Variants in SEC24B observed in about 807,000 individuals in gnomAD.
SEC24B encodes the protein protein transport protein Sec24B.
Under a neutral mutation model 142.8 loss-of-function variants are expected in SEC24B, and 45 were observed. The ratio of observed to expected loss-of-function variants is 0.32; its 90% CI spans 0.25 to 0.40. The LOEUF (loss-of-function observed/expected upper bound fraction) is 0.40, where lower values mean the gene tolerates loss of function less well. Among genes scored for constraint, SEC24B ranks in the 10% least tolerant of loss-of-function variants. The pLI, the probability that SEC24B is intolerant of heterozygous loss-of-function variation, is 1.00. For missense variants in SEC24B, 1,409 were observed against 1,526.8 expected, an observed-to-expected ratio of 0.92 and a Z score of 1.29; for synonymous variants, 574 against 568.2, an observed-to-expected ratio of 1.01 and a Z score of -0.15.
Position 109,473,059 on chromosome 4 carries a change from C to G in SEC24B, c.933C>G (p.Ser311Arg). 6.2e-7 allele frequency: 1 copy of G among 1,603,784 alleles called. No homozygotes were observed. Among genetic ancestry groups the G allele is most frequent in the South Asian group, 1.1e-5 (1 of 89,566 alleles). Residue 311 changes from serine (S) to arginine (R), a missense_variant, in exon 3 of 24, where the codon AGC becomes AGG. Around this residue, in one of 2 missense-constraint regions of SEC24B, gnomAD observed 709 missense variants for 673.5 expected, o/e 1.05. Coordinates refer to ENST00000265175, the MANE Select transcript of SEC24B (RefSeq NM_006323.5). The stretch of plus-strand genomic sequence containing the variant: ...AAAATGTTCAGCCTCCCAAGTCCAG[C>G]CCAGTGGTATCCACTGTTTTATCAG... ...VMQNVQPPKS[S>R]PVVSTVLSGS... is the part of the protein sequence containing the mutation.
At chr4:109,534,930 G>A (rs1437378071) in intron 22 of SEC24B, among the ~76,000 whole-genome samples, 1 of 152,090 alleles carries the variant, frequency 6.6e-6, no homozygotes, top group African/African-American at 2.4e-5. Flanking sequence ...CTCCTGCCTT[G>A]GCCTCCCAGA....
chr4:109,484,466 G>C (rs915047172), intron 4 of SEC24B, among the ~76,000 whole-genome samples: 5 of 152,026 alleles, frequency 3.3e-5, no homozygotes, highest in African/African-American at 1.2e-4. Flanking sequence ...GTTTTTCCCT[G>C]TTAAAATTAA....
intron 4 of SEC24B, among the ~76,000 whole-genome samples, chr4:109,485,879 C>G (rs1734298691): frequency 6.6e-6 from 1 of 151,954 alleles, no homozygotes; most frequent in East Asian, 1.9e-4. Flanking sequence ...TGGGATTGTT[C>G]TCCAACTTTG....
At chr4:109,483,859 T>G (rs1734075836) in intron 4 of SEC24B, among the ~76,000 whole-genome samples, 1 of 152,188 alleles carries the variant, frequency 6.6e-6, no homozygotes, top group African/African-American at 2.4e-5. Context: ...GCATGTACGC[T>G]TTACCCAGAT....
At chr4:109,502,985 T>C (rs1377472926) in intron 6 of SEC24B, among the ~76,000 whole-genome samples, 1 of 152,170 alleles carries the variant, frequency 6.6e-6, no homozygotes, top group African/African-American at 2.4e-5. Context: ...CATTGGTTTT[T>C]AATTTTAGTG....
intron 5 of SEC24B, among the ~76,000 whole-genome samples, chr4:109,491,920 A>G (rs1246781095): frequency 6.6e-6 from 1 of 152,132 alleles, no homozygotes; most frequent in Admixed American, 6.5e-5. Flanking sequence ...ACAGGAGTAG[A>G]TAGTATTGAA....
At chr4:109,491,989 A>G (rs915190208) in intron 5 of SEC24B, among the ~76,000 whole-genome samples, 1 of 152,116 alleles carries the variant, frequency 6.6e-6, no homozygotes, top group Non-Finnish European at 1.5e-5. Flanking sequence ...CCTGTCTCCT[A>G]TCACTGACAA....
At chr4:109,538,846 G>A (rs1725850039) in intron 23 of SEC24B, among the ~76,000 whole-genome samples, 2 of 152,176 alleles carry the variant, frequency 1.3e-5, no homozygotes, top group Admixed American at 1.3e-4. Flanking sequence ...CAGGGGTGCT[G>A]CTATCACAGT....
At chr4:109,504,878 T>G (rs573858207) in intron 6 of SEC24B, among the ~76,000 whole-genome samples, 1 of 152,162 alleles carries the variant, frequency 6.6e-6, no homozygotes, top group Non-Finnish European at 1.5e-5. Context: ...TAGCTGGAAT[T>G]CTATAGCACA....
chr4:109,522,184 G>A (rs962085908), intron 14 of SEC24B, among the ~76,000 whole-genome samples: 1 of 151,848 alleles, frequency 6.6e-6, no homozygotes, highest in African/African-American at 2.4e-5. Flanking sequence ...CCTAGTAGCT[G>A]GGACTACAGG....
chr4:109,470,154 A>T (rs1732364542), intron 2 of SEC24B, among the ~76,000 whole-genome samples: 1 of 152,232 alleles, frequency 6.6e-6, no homozygotes, highest in Admixed American at 6.5e-5. Context: ...TCTTGGTAGG[A>T]GGCTATATTC....
chr4:109,468,471 G>T (rs1230260665), intron 2 of SEC24B, among the ~76,000 whole-genome samples: 1 of 152,160 alleles, frequency 6.6e-6, no homozygotes, highest in African/African-American at 2.4e-5. Flanking sequence ...GTGGCATTTG[G>T]ATAGGTGAGA....
intron 11 of SEC24B, among the ~76,000 whole-genome samples, chr4:109,518,801 G>GTTTTTT (rs1561168339): frequency 7.3e-6 from 1 of 137,914 alleles, no homozygotes; most frequent in African/African-American, 2.8e-5. Flanking sequence ...TGATGTTTCT[G>GTTTTTT]TCTTTTTTTT....
intron 1 of SEC24B, among the ~76,000 whole-genome samples, chr4:109,458,846 A>G (rs1730972266): frequency 2.0e-5 from 3 of 150,570 alleles, no homozygotes; most frequent in Non-Finnish European, 1.5e-5. Context: ...TTTTTTTTTT[A>G]CAATGACTGT....
At chr4:109,509,281 C>T (rs1348418121) in intron 7 of SEC24B, among the ~76,000 whole-genome samples, 1 of 152,182 alleles carries the variant, frequency 6.6e-6, no homozygotes, top group East Asian at 1.9e-4. Context: ...ATGATATTAA[C>T]GACTCTTCAT....
intron 23 of SEC24B, among the ~76,000 whole-genome samples, chr4:109,538,921 A>G (rs1442603744): frequency 6.6e-6 from 1 of 151,650 alleles, no homozygotes; most frequent in East Asian, 1.9e-4. Context: ...AGTAGCTGGG[A>G]CTGCAGGCAC....
Position 109,525,372 on chromosome 4 carries a change from TG to T in SEC24B, c.2660del (p.Cys887SerfsTer24). 6.2e-7 allele frequency: 1 copy of T among 1,608,636 alleles called. No homozygotes were observed. Among genetic ancestry groups the T allele is most frequent in the East Asian group, 2.2e-5 (1 of 44,614 alleles). ...TTGCATGTCCAAGTATTCTGCAGGG[TG>T]CATCTATTATTATCCATCATTCCAC... ...LACMSKYSAGCIYYYPSFHYT... is the reference protein window; with the variant it reads ...LACMSKYSAGXIYYYPSFHYT... On this transcript the variant is annotated frameshift_variant, in exon 16 of 24. Transcript: ENST00000265175. LOFTEE classifies it high-confidence loss of function.
intron 15 of SEC24B, 51 bp from the exon 16 acceptor site, chr4:109,525,295 G>A (rs1184361090): frequency 2.8e-6 from 4 of 1,442,286 alleles, no homozygotes; most frequent in Non-Finnish European, 3.7e-6. Flanking sequence ...TGTTGGACAA[G>A]TAAAATATTA....
At chr4:109,440,511 CAGA>C (rs1728838941) in intron 1 of SEC24B, among the ~76,000 whole-genome samples, 1 of 152,170 alleles carries the variant, frequency 6.6e-6, no homozygotes, top group Admixed American at 6.5e-5. Context: ...CAGAATTGTC[CAGA>C]AGGAGTGGAC....
Sources: gnomAD v4.1 joint callset for allele counts (sites outside exome capture counted in the v4.1 genomes callset) on GRCh38, gnomAD v4.1.1 for gene constraint, gnomAD v4.1.1 regional missense constraint, MANE v1.5 for transcripts, NCBI Gene and HGNC (gene_info 2026-07-23, HGNC 2026-07-21) for gene names.